Variants in KRT19 observed in about 807,000 individuals in gnomAD.
The protein encoded by KRT19 is keratin 19, also known as keratin, type I cytoskeletal 19.
In KRT19, 21 loss-of-function variants were observed where a neutral mutation model predicts 34.6. That is an observed-to-expected ratio of 0.61 (90% CI 0.43 to 0.87). The LOEUF (loss-of-function observed/expected upper bound fraction) is 0.87. KRT19 is among the 40% of genes least tolerant of loss of function. KRT19 has a pLI of 0.00. For missense variants in KRT19, 514 were observed against 545.7 expected (o/e 0.94, Z 0.58); for synonymous variants, 240 against 245.8 (o/e 0.98, Z 0.22).
At chr17:41,527,056 T>TA (rs1431336443) in intron 1 of KRT19, among the ~76,000 whole-genome samples, 1 of 152,078 alleles carries the variant, frequency 6.6e-6, no homozygotes, top group Non-Finnish European at 1.5e-5. Flanking sequence ...TGGCTTCTGA[T>TA]ACATTTCTTT....
chr17:41,523,693 A>T lies in KRT19; in HGVS notation c.*50T>A. On this transcript the variant is annotated 3_prime_UTR_variant, in exon 6 of 6. Coordinates refer to ENST00000361566, the MANE Select transcript of KRT19 (RefSeq NM_002276.5). The stretch of plus-strand genomic sequence containing the variant: ...AGGGTCCCTTCCTTCCCATCCCTCT[A>T]CCCAGAAGACACCCTCCAAAGGACA... The T allele has an allele frequency of 6.3e-7, 1 of 1,595,972 alleles. No homozygotes were observed. Among genetic ancestry groups the T allele is most frequent in the Non-Finnish European group, 8.6e-7 (1 of 1,166,268 alleles).
Position 41,527,867 on chromosome 17 carries a change from G to A in KRT19, c.381C>T (p.Tyr127=). 1 of 1,612,744 alleles carries A rather than the reference G, an allele frequency of 6.2e-7. No individual in the cohort carries two copies. The highest frequency in any genetic ancestry group is 8.5e-7 in the Non-Finnish European group (1 of 1,179,304). Reference sequence around the variant, plus strand: ...CCTGGATGGTCGTGTAGTAGTGGCTGTAGTCGCGGGAGGGCCCAGGCCCCT... The same window carrying A: ...CCTGGATGGTCGTGTAGTAGTGGCTATAGTCGCGGGAGGGCCCAGGCCCCT... ...QKQGPGPSRD[Y]SHYYTTIQDL... The change falls in exon 1 of 6, where the codon TAC becomes TAT. Residue 127 remains tyrosine, a synonymous_variant. Coordinates refer to ENST00000361566, the MANE Select transcript of KRT19 (RefSeq NM_002276.5).
chr17:41,524,834 C>T lies in KRT19; in HGVS notation c.660+9G>A. On this transcript the variant is annotated intron_variant, in intron 3 of 5. Transcript: ENST00000361566. The stretch of plus-strand genomic sequence containing the variant: ...GAAGGATGGAAGAAAGGCCCAGCTT[C>T]AAACCCACCTCCTCATGGTTCTTCT... The T allele has an allele frequency of 6.2e-7, 1 of 1,613,342 alleles. No homozygotes were observed. The highest frequency in any genetic ancestry group is 8.5e-7 in the Non-Finnish European group (1 of 1,179,900).
At chr17:41,524,656 A>G in intron 3 of KRT19, 116 bp from the exon 4 acceptor site, 2 of 1,286,212 alleles carry the variant, frequency 1.6e-6, no homozygotes, top group Non-Finnish European at 2.2e-6. Flanking sequence ...CAGGCCTAGT[A>G]ACTAGCACTG....
At chr17:41,525,090 G>C in intron 2 of KRT19, 91 bp from the exon 3 acceptor site, 1 of 1,578,272 alleles carries the variant, frequency 6.3e-7, no homozygotes, top group Non-Finnish European at 8.7e-7. Flanking sequence ...TCCATAGGGG[G>C]GTTAGCTTCA....
chr17:41,523,911 A>G lies in KRT19; in HGVS notation c.1035T>C (p.Ile345=), dbSNP rs1325633526. ...LAHIQALISG[I]EAQLGDVRAD... is the part of the protein sequence containing the mutation. Reference sequence around the variant, plus strand: ...CTCGCACATCGCCCAGCTGGGCTTCAATACCGCTGATCAGCGCCTGGATAT... The same window carrying G: ...CTCGCACATCGCCCAGCTGGGCTTCGATACCGCTGATCAGCGCCTGGATAT... Residue 345 remains isoleucine, a synonymous_variant, in exon 6 of 6, where the codon ATT becomes ATC. Transcript: ENST00000361566. 2 of 1,613,928 alleles carry G rather than the reference A, an allele frequency of 1.2e-6. No individual in the cohort carries two copies. The highest frequency in any genetic ancestry group is 2.7e-5 in the African/African-American group (2 of 74,940).
At chr17:41,526,493 G>T (rs1222370221) in intron 1 of KRT19, among the ~76,000 whole-genome samples, 3 of 150,500 alleles carry the variant, frequency 2.0e-5, no homozygotes, top group African/African-American at 4.9e-5. Context: ...GTTGCCCCAG[G>T]CTGGAGTGCA....
chr17:41,526,767 T>C (rs944686707), intron 1 of KRT19, among the ~76,000 whole-genome samples: 1 of 151,992 alleles, frequency 6.6e-6, no homozygotes, highest in Non-Finnish European at 1.5e-5. Context: ...AGACAGGATT[T>C]TACCATGTTT....
Position 41,524,241 on chromosome 17 carries a change from C to T in KRT19, c.850G>A (p.Gly284Ser). The T allele has an allele frequency of 6.2e-7, 1 of 1,614,084 alleles. No individual in the cohort carries two copies. Among genetic ancestry groups the T allele is most frequent in the Non-Finnish European group, 8.5e-7 (1 of 1,180,006 alleles). The change falls in exon 5 of 6, where the codon GGC (glycine) becomes AGC (serine). Residue 284 changes from glycine (G) to serine (S), a missense_variant. Transcript: ENST00000361566. ...CTCATCTGGAGCTGCTCCGTGTGGC[C>T]AGCGACCTCCCGGTTCAATTCTTCA... ...RTEELNREVAGHTEQLQMSRS... is the reference protein window; with the variant it reads ...RTEELNREVASHTEQLQMSRS...
In KRT19 at chr17:41,524,425, A is replaced by G. The variant is rs1447910518; in HGVS notation, c.776T>C (p.Met259Thr). 1.2e-6 allele frequency: 2 copies of G among 1,614,162 alleles called. No homozygotes were observed. Among genetic ancestry groups the G allele is most frequent in the Admixed American group, 3.3e-5 (2 of 60,032 alleles). The stretch of plus-strand genomic sequence containing the variant: ...AGCATCCTTCCGGTTCTGCTCGGCC[A>G]TGACCTCATATTGGCTTCGCATGTC... ...LSDMRSQYEV[M>T]AEQNRKDAEA... is the part of the protein sequence containing the mutation. Residue 259 changes from methionine (M) to threonine (T), a missense_variant, in exon 4 of 6, where the codon ATG (methionine) becomes ACG (threonine). Transcript: ENST00000361566.
rs1905815325 is a variant in KRT19 at position 41,525,122 on chromosome 17, G to A, written c.503+69C>T. The A allele has an allele frequency of 3.1e-5, 48 of 1,557,356 alleles. 1 individual carries two copies. In the South Asian group the frequency reaches 5.1e-4, roughly 17 times the overall value. On this transcript the variant is annotated intron_variant, in intron 2 of 5. Transcript: ENST00000361566. The stretch of plus-strand genomic sequence containing the variant: ...TTCAGGCCATCTAGGCTAGGTGAGG[G>A]CAGATTCTAAACCCCCCAACCCCTA...
rs150092878 is a variant in KRT19 at position 41,524,530 on chromosome 17, G to A, written c.671C>T (p.Thr224Met). The change falls in exon 4 of 6, where the codon ACG (threonine) becomes ATG (methionine). Residue 224 changes from threonine to methionine, a missense_variant. Coordinates refer to ENST00000361566, the MANE Select transcript of KRT19 (RefSeq NM_002276.5). ...CTGGCCTCCCACTTGGCCCCTCAGCGTACTGATTTCCTGTAAAGATACAGC... is the reference window on the plus strand; with the variant it reads ...CTGGCCTCCCACTTGGCCCCTCAGCATACTGATTTCCTGTAAAGATACAGC... ...LKKNHEEEIS[T>M]LRGQVGGQVS... 84 of 1,614,064 alleles carry A rather than the reference G, an allele frequency of 5.2e-5. No homozygotes were observed. Among genetic ancestry groups the A allele is most frequent in the Admixed American group, 2.0e-4 (12 of 60,024 alleles).
At chr17:41,525,623 C>T (rs75742748) in intron 1 of KRT19, 306 of 258,694 alleles carry the variant, frequency 1.2e-3, no homozygotes, top group Non-Finnish European at 1.6e-3. Flanking sequence ...ACCTGCCCCC[C>T]CCACTATGCG....
At chr17:41,527,792 G>A (rs915041856) in intron 1 of KRT19, 36 bp downstream of exon 1, 1 of 1,532,132 alleles carries the variant, frequency 6.5e-7, no homozygotes, top group East Asian at 2.3e-5. Context: ...TCCGCGGCAG[G>A]TGCACTGCAC....
At position 41,528,100 on chromosome 17, in the gene KRT19, C is replaced by G. The variant is rs748836644; in HGVS notation, c.148G>C (p.Ala50Pro). The stretch of plus-strand genomic sequence containing the variant: ...GAGGAGGACGAGGACACAAAGCGGG[C>G]GGAGGACACGGATACGCCGCGGCCG... ...SGGRGVSVSS[A>P]RFVSSSSSGA... Residue 50 changes from alanine to proline, a missense_variant, in exon 1 of 6, where the codon GCC becomes CCC. Coordinates refer to ENST00000361566, the MANE Select transcript of KRT19 (RefSeq NM_002276.5). 1.2e-6 allele frequency: 2 copies of G among 1,609,260 alleles called. No individual in the cohort carries two copies. The highest frequency in any genetic ancestry group is 1.3e-5 in the African/African-American group (1 of 74,958).
At position 41,524,317 on chromosome 17, in the gene KRT19, G is replaced by C; in HGVS notation, c.823-49C>G. On this transcript the variant is annotated intron_variant, in intron 4 of 5. Coordinates refer to ENST00000361566, the MANE Select transcript of KRT19 (RefSeq NM_002276.5). ...AATAAGCATTGAGTCAGACCTTCGC[G>C]TAGGGAACACAAAGCCCTCCCCTTC... is the stretch of plus-strand genomic sequence containing the variant. 1.9e-6 allele frequency: 3 copies of C among 1,611,608 alleles called. No individual in the cohort carries two copies. In the South Asian group the frequency reaches 3.3e-5, roughly 18 times the overall value.
chr17:41,527,497 G>A (rs935265314), intron 1 of KRT19, among the ~76,000 whole-genome samples: 1 of 152,182 alleles, frequency 6.6e-6, no homozygotes, highest in African/African-American at 2.4e-5. Flanking sequence ...CTCTACAGCC[G>A]GGTCCCATCT....
Position 41,524,479 on chromosome 17 carries a change from G to A in KRT19, c.722C>T (p.Pro241Leu), listed in dbSNP as rs746266333. The change falls in exon 4 of 6, where the codon CCG becomes CTG. Residue 241 changes from proline to leucine, a missense_variant. Pro to Leu is a moderately conservative substitution (Grantham distance 98, BLOSUM62 -3). Coordinates refer to ENST00000361566, the MANE Select transcript of KRT19 (RefSeq NM_002276.5). ...GQVSVEVDSA[P>L]GTDLAKILSD... ...CAGGATCTTGGCGAGATCGGTGCCCGGAGCGGAATCCACCTCCACACTGAC... is the reference window on the plus strand; with the variant it reads ...CAGGATCTTGGCGAGATCGGTGCCCAGAGCGGAATCCACCTCCACACTGAC... The A allele has an allele frequency of 1.5e-5, 25 of 1,614,104 alleles. No homozygotes were observed. The highest frequency in any genetic ancestry group is 5.5e-5 in the South Asian group (5 of 91,074).
At chr17:41,524,044 G>C (rs750907240) in intron 5 of KRT19, 47 bp from the exon 6 acceptor site, 1 of 1,600,870 alleles carries the variant, frequency 6.2e-7, no homozygotes, top group Non-Finnish European at 8.5e-7. Context: ...CCTGGTTCCC[G>C]GAGAGGGCAT....
Sources: gnomAD v4.1 joint callset for allele counts (sites outside exome capture counted in the v4.1 genomes callset) on GRCh38, gnomAD v4.1.1 for gene constraint, MANE v1.5 for transcripts, NCBI Gene and HGNC (gene_info 2026-07-23, HGNC 2026-07-21) for gene names.